The following ARNT2 variants were observed in gnomAD, a reference collection of about 807,000 sequenced individuals.
ARNT2 encodes aryl hydrocarbon receptor nuclear translocator 2.
A neutral mutation model predicts 91.7 loss-of-function variants in ARNT2; 36 were observed. The ratio of observed to expected loss-of-function variants is 0.39; its 90% confidence interval spans 0.30 to 0.52. The LOEUF is 0.52. Ranked by LOEUF, ARNT2 falls within the 20% of genes least tolerant of loss-of-function variation. ARNT2 has a pLI of 0.72. For synonymous variants in ARNT2, 365 were observed against 347.1 expected (o/e 1.05, Z -0.57); for missense variants, 775 against 939.3 (o/e 0.83, Z 2.29).
At chr15:80,588,974 G>A (rs572252898) in intron 17 of ARNT2, among the ~76,000 whole-genome samples, 9 of 152,274 alleles carry the variant, frequency 5.9e-5, no homozygotes, top group African/African-American at 2.2e-4. Flanking sequence ...CGTCAGAGCA[G>A]GAGCTCAGGA....
At chr15:80,476,699 C>T (rs976049692) in intron 5 of ARNT2, among the ~76,000 whole-genome samples, 1 of 152,232 alleles carries the variant, frequency 6.6e-6, no homozygotes, top group Middle Eastern at 3.2e-3. Context: ...CAAAATACCA[C>T]AGAATGGGTT....
chr15:80,506,315 G>T (rs1042898754), intron 5 of ARNT2, among the ~76,000 whole-genome samples: 5 of 152,250 alleles, frequency 3.3e-5, no homozygotes, highest in African/African-American at 9.6e-5. Context: ...CTGCACTGTG[G>T]TCTTGCATGC....
intron 8 of ARNT2, 125 bp from the exon 9 acceptor site, chr15:80,551,074 C>G (rs1596008816): frequency 4.7e-6 from 4 of 851,544 alleles, no homozygotes. Flanking sequence ...CATTGGCTGG[C>G]TTCCCAGCCC....
At chr15:80,523,932 G>A (rs1389154772) in intron 8 of ARNT2, among the ~76,000 whole-genome samples, 1 of 152,212 alleles carries the variant, frequency 6.6e-6, no homozygotes, top group Non-Finnish European at 1.5e-5. Context: ...GGAGCCAGGG[G>A]TGTTTATCTT....
At chr15:80,536,090 G>A (rs1186337207) in intron 8 of ARNT2, among the ~76,000 whole-genome samples, 3 of 152,186 alleles carry the variant, frequency 2.0e-5, no homozygotes, top group Non-Finnish European at 4.4e-5. Context: ...AAGCAGCATG[G>A]TTGTCTGGGG....
At chr15:80,519,684 C>CTTTTT (rs1172255165) in intron 8 of ARNT2, among the ~76,000 whole-genome samples, 2 of 121,268 alleles carry the variant, frequency 1.6e-5, no homozygotes, top group Admixed American at 8.4e-5. Context: ...AGGTATGTAG[C>CTTTTT]TTTTTTTTTT....
At chr15:80,501,610 C>T (rs1897193388) in intron 5 of ARNT2, among the ~76,000 whole-genome samples, 1 of 152,236 alleles carries the variant, frequency 6.6e-6, no homozygotes, top group South Asian at 2.1e-4. Flanking sequence ...TGAATGCCGT[C>T]TCTCCCTCCA....
At chr15:80,511,547 C>T (rs1897342334) in intron 6 of ARNT2, among the ~76,000 whole-genome samples, 1 of 152,042 alleles carries the variant, frequency 6.6e-6, no homozygotes, top group African/African-American at 2.4e-5. Context: ...CCCACAGACA[C>T]CTAGACGGAG....
intron 17 of ARNT2, among the ~76,000 whole-genome samples, chr15:80,585,965 A>G (rs1477090262): frequency 6.6e-6 from 1 of 152,244 alleles, no homozygotes; most frequent in Non-Finnish European, 1.5e-5. Flanking sequence ...TGCAGGGTGT[A>G]GTTTCAGTAT....
chr15:80,452,766 C>T (rs1896418048), intron 2 of ARNT2, among the ~76,000 whole-genome samples: 1 of 152,156 alleles, frequency 6.6e-6, no homozygotes, highest in African/African-American at 2.4e-5. Flanking sequence ...GGGAAGTCGC[C>T]TCTGAGCCTC....
At chr15:80,479,681 G>A (rs1415596592) in intron 5 of ARNT2, among the ~76,000 whole-genome samples, 1 of 152,148 alleles carries the variant, frequency 6.6e-6, no homozygotes, top group East Asian at 1.9e-4. Flanking sequence ...ATTGGAGGAG[G>A]GGGACTGGTG....
At chr15:80,574,894 G>A in intron 13 of ARNT2, 93 bp from the exon 14 acceptor site, 3 of 1,429,842 alleles carry the variant, frequency 2.1e-6, no homozygotes, top group South Asian at 2.7e-5. Context: ...AGAGGGAGGG[G>A]GCTCTGATGA....
chr15:80,412,448 ATAAC>A (rs1895696820), intron 1 of ARNT2, among the ~76,000 whole-genome samples: 1 of 152,182 alleles, frequency 6.6e-6, no homozygotes, highest in African/African-American at 2.4e-5. Context: ...TCTGCCACCC[ATAAC>A]TAACATTTTT....
chr15:80,481,871 C>T (rs1418134909), intron 5 of ARNT2, among the ~76,000 whole-genome samples: 1 of 152,200 alleles, frequency 6.6e-6, no homozygotes. Flanking sequence ...GTAGCTGGGA[C>T]TACAGGTGTA....
At chr15:80,531,389 A>G (rs1479549560) in intron 8 of ARNT2, among the ~76,000 whole-genome samples, 4 of 152,258 alleles carry the variant, frequency 2.6e-5, no homozygotes, top group Non-Finnish European at 5.9e-5. Flanking sequence ...AGGGAAGAGT[A>G]TATCCAAGGA....
intron 5 of ARNT2, among the ~76,000 whole-genome samples, chr15:80,487,343 G>A (rs1288979205): frequency 2.6e-5 from 4 of 152,220 alleles, no homozygotes; most frequent in Non-Finnish European, 5.9e-5. Flanking sequence ...CGAGGTCAGG[G>A]CTGTTTTTGC....
chr15:80,496,746 A>G (rs1897130264), intron 5 of ARNT2, among the ~76,000 whole-genome samples: 1 of 152,168 alleles, frequency 6.6e-6, no homozygotes, highest in Non-Finnish European at 1.5e-5. Flanking sequence ...CCAAAGGAAA[A>G]TGCTTTGTTA....
intron 1 of ARNT2, chr15:80,442,991 G>C: frequency 2.0e-6 from 2 of 985,440 alleles, no homozygotes; most frequent in Non-Finnish European, 2.4e-6. Flanking sequence ...CACCTGGACT[G>C]CTGTGACCTT....
chr15:80,452,422 C>G (rs569237860), intron 2 of ARNT2, among the ~76,000 whole-genome samples: 1 of 152,212 alleles, frequency 6.6e-6, no homozygotes, highest in Admixed American at 6.5e-5. Context: ...TGTGGCTCAC[C>G]GCTGGGGCTT....
Sources: allele counts gnomAD v4.1 joint callset (sites outside exome capture counted in the v4.1 genomes callset), GRCh38; gene constraint gnomAD v4.1.1; transcripts MANE v1.5; gene names NCBI Gene and HGNC (gene_info 2026-07-23, HGNC 2026-07-21).